The following DCDC2C variants were observed in gnomAD, a reference collection of about 807,000 sequenced individuals.
DCDC2C encodes the protein doublecortin domain-containing protein 2C.
A neutral mutation model predicts 45.0 loss-of-function variants in DCDC2C; 44 were observed. The ratio of observed to expected loss-of-function variants is 0.98; its 90% CI spans 0.77 to 1.26. The LOEUF (loss-of-function observed/expected upper bound fraction) is 1.26, where lower values mean the gene tolerates loss of function less well. Ranked by LOEUF, DCDC2C falls within the 50% of genes most tolerant of loss-of-function variation. DCDC2C has a pLI of 0.00. For missense variants in DCDC2C, 447 were observed against 468.9 expected (o/e 0.95, Z 0.43); for synonymous variants, 187 against 178.8 (o/e 1.05, Z -0.37).
At chr2:3,751,622 TG>T (rs1669545180) in intron 4 of DCDC2C, among the ~76,000 whole-genome samples, 1 of 152,174 alleles carries the variant, frequency 6.6e-6, no homozygotes, top group Admixed American at 6.5e-5. Flanking sequence ...GCTGACCCTC[TG>T]GGCAGCTCTG....
chr2:3,787,060 T>C (rs904452404), intron 10 of DCDC2C, among the ~76,000 whole-genome samples: 1 of 152,246 alleles, frequency 6.6e-6, no homozygotes. Context: ...CCATTTGTTA[T>C]GTGGCATTCC....
chr2:3,767,472 T>G (rs1176714761), intron 6 of DCDC2C, among the ~76,000 whole-genome samples: 1 of 152,190 alleles, frequency 6.6e-6, no homozygotes, highest in Non-Finnish European at 1.5e-5. Flanking sequence ...TTTTGTCAGG[T>G]TTTAGGAAGG....
rs543127395 is a variant in DCDC2C at position 3,761,979 on chromosome 2, T to C, written c.727-5775T>C. Among the ~76,000 whole-genome samples the C allele has an allele frequency of 2.6e-5, 4 of 152,236 alleles. No individual in the cohort carries two copies. The East Asian group carries it at 5.8e-4, about 22-fold the overall frequency. Reference sequence around the variant, plus strand: ...GTTCATTTTCTGAAAACATTTTCAATAGGGAGAAAGATGAATGAAATTGAG... The same window carrying C: ...GTTCATTTTCTGAAAACATTTTCAACAGGGAGAAAGATGAATGAAATTGAG... On this transcript the variant is annotated intron_variant, in intron 6 of 10. Coordinates refer to ENST00000399143, the MANE Select transcript of DCDC2C (RefSeq NM_001287444.2). The surrounding 1 kb of genome is among the most constrained non-coding windows in gnomAD (Gnocchi z 4.3).
chr2:3,758,004 G>T (rs999925731), intron 6 of DCDC2C, among the ~76,000 whole-genome samples: 1 of 152,198 alleles, frequency 6.6e-6, no homozygotes, highest in Admixed American at 6.5e-5. Flanking sequence ...GTTTTTATTT[G>T]CAGGGATCCA....
Position 3,734,618 on chromosome 2 carries a change from G to A in DCDC2C, c.417-7302G>A, listed in dbSNP as rs1371548168. ...GTCTGTAGGGTCTGAACGGGATGAG[G>A]AATGTGTGTGTCTAATAGGCGACCC... On this transcript the variant is annotated intron_variant, in intron 3 of 10. Transcript: ENST00000399143. This position sits in a 1 kb window ranked among gnomAD's most constrained non-coding sequence, Gnocchi z 4.2. Among the ~76,000 whole-genome samples the A allele has an allele frequency of 6.6e-6, 1 of 152,206 alleles. No homozygotes were observed. Among genetic ancestry groups the A allele is most frequent in the African/African-American group, 2.4e-5 (1 of 41,452 alleles).
chr2:3,752,990 A>G (rs748283929), intron 5 of DCDC2C, 90 bp downstream of exon 5: 36 of 1,367,750 alleles, frequency 2.6e-5, no homozygotes, highest in Non-Finnish European at 3.4e-5. Context: ...CAGTTCAGCT[A>G]TTGGTTATTT....
At chr2:3,808,293 G>A (rs576059772) in intron 10 of DCDC2C, among the ~76,000 whole-genome samples, 61 of 152,204 alleles carry the variant, frequency 4.0e-4, no homozygotes, top group African/African-American at 1.3e-3. Context: ...ATGACATTGC[G>A]CATCTTTTCA....
chr2:3,725,861 G>GCTCGGTGGATC (rs1481001039), intron 2 of DCDC2C: 29 of 163,598 alleles, frequency 1.8e-4, no homozygotes, highest in African/African-American at 3.6e-4. Flanking sequence ...AGATGAGGCT[G>GCTCGGTGGATC]CCAGGTGGAT....
At chr2:3,746,047 A>G (rs1669351421) in intron 4 of DCDC2C, among the ~76,000 whole-genome samples, 2 of 152,160 alleles carry the variant, frequency 1.3e-5, no homozygotes, top group Non-Finnish European at 2.9e-5. Context: ...TGTGCAAGAC[A>G]ATTGCTGATC....
chr2:3,731,965 C>T (rs1053089358), intron 3 of DCDC2C, among the ~76,000 whole-genome samples: 23 of 152,074 alleles, frequency 1.5e-4, no homozygotes, highest in African/African-American at 4.8e-4. Context: ...AAGGGGGTCT[C>T]AGTTTCAGGA....
At chr2:3,713,149 G>T (rs1254795387) in intron 2 of DCDC2C, among the ~76,000 whole-genome samples, 1 of 152,168 alleles carries the variant, frequency 6.6e-6, no homozygotes, top group Non-Finnish European at 1.5e-5. Flanking sequence ...AAAGACCCAT[G>T]ACTGCTTTTG....
At chr2:3,813,327 A>G (rs1344746089) in intron 10 of DCDC2C, among the ~76,000 whole-genome samples, 1 of 152,066 alleles carries the variant, frequency 6.6e-6, no homozygotes, top group Non-Finnish European at 1.5e-5. Context: ...TCAGCCTCCC[A>G]AAGCGCTGGG....
intron 6 of DCDC2C, among the ~76,000 whole-genome samples, chr2:3,763,756 G>C (rs530174814): frequency 3.9e-5 from 6 of 152,232 alleles, no homozygotes; most frequent in African/African-American, 1.4e-4. Context: ...TGCTCTTTTG[G>C]GCTGGACACA....
intron 3 of DCDC2C, among the ~76,000 whole-genome samples, chr2:3,740,110 A>G (rs1221678115): frequency 1.3e-5 from 2 of 152,228 alleles, no homozygotes; most frequent in East Asian, 3.8e-4. Flanking sequence ...GTTTTTGTCT[A>G]CAACATTAAT....
intron 2 of DCDC2C, among the ~76,000 whole-genome samples, chr2:3,712,115 C>A (rs564876379): frequency 6.6e-6 from 1 of 152,296 alleles, no homozygotes; most frequent in East Asian, 1.9e-4. Context: ...GTTGGAACCA[C>A]CACCAAGAGC....
intron 10 of DCDC2C, among the ~76,000 whole-genome samples, chr2:3,798,013 T>C (rs1475138097): frequency 6.6e-6 from 1 of 151,984 alleles, no homozygotes; most frequent in Non-Finnish European, 1.5e-5. Flanking sequence ...CTAAGTCTCT[T>C]TGTAGGTCAC....
rs10209243 is a variant in DCDC2C, at chr2:3,832,174, A to C, written c.1066-14980A>C. ...ACATCTGCCAACACTAAATGGTTTC[A>C]GAAAGTATTCTTGTCTGTTTTCACC... On this transcript the variant is annotated intron_variant, in intron 10 of 10. Coordinates refer to ENST00000399143, the MANE Select transcript of DCDC2C (RefSeq NM_001287444.2). Among the ~76,000 whole-genome samples, 885 of 152,366 alleles carry C rather than the reference A, an allele frequency of 5.8e-3. 6 individuals are homozygous for C. The highest frequency in any genetic ancestry group is 0.02 in the African/African-American group (844 of 41,582).
chr2:3,718,908 G>C (rs1668419198), intron 2 of DCDC2C, among the ~76,000 whole-genome samples: 1 of 152,134 alleles, frequency 6.6e-6, no homozygotes. Flanking sequence ...TAGCTACAGA[G>C]CGCTGATTAG....
At chr2:3,746,599 C>T (rs974763260) in intron 4 of DCDC2C, among the ~76,000 whole-genome samples, 2 of 152,164 alleles carry the variant, frequency 1.3e-5, no homozygotes, top group African/African-American at 4.8e-5. Context: ...TCCCACTGTC[C>T]GTTGAGTATA....
Sources: allele counts gnomAD v4.1 joint callset (sites outside exome capture counted in the v4.1 genomes callset), GRCh38; gene constraint gnomAD v4.1.1; non-coding constraint Gnocchi (gnomAD v3.1); transcripts MANE v1.5; gene names NCBI Gene and HGNC (gene_info 2026-07-23, HGNC 2026-07-21).